Variants in STK39 observed in about 807,000 individuals in gnomAD.
STK39 encodes serine/threonine kinase 39.
In STK39, 20 loss-of-function variants were observed where a neutral mutation model predicts 77.8. The ratio of observed to expected loss-of-function variants is 0.26; its 90% CI spans 0.18 to 0.37. The LOEUF is 0.37. STK39 is among the 10% of genes least tolerant of loss of function. The pLI is 1.00. For missense variants in STK39, 479 were observed against 656.5 expected (o/e 0.73, Z 2.95); for synonymous variants, 246 against 234.1 (o/e 1.05, Z -0.47).
At chr2:168,059,599 A>C (rs1243452545) in intron 14 of STK39, among the ~76,000 whole-genome samples, 4 of 152,148 alleles carry the variant, frequency 2.6e-5, no homozygotes, top group Non-Finnish European at 1.5e-5. Flanking sequence ...GGCTTGGGAG[A>C]GGACCATGAG....
chr2:168,059,147 T>C (rs1685600171), intron 14 of STK39, among the ~76,000 whole-genome samples: 2 of 152,194 alleles, frequency 1.3e-5, no homozygotes, highest in South Asian at 2.1e-4. Flanking sequence ...TAGGGGTCTG[T>C]CTGTTCAAAT....
intron 10 of STK39, among the ~76,000 whole-genome samples, chr2:168,107,295 T>C (rs1687000000): frequency 6.6e-6 from 1 of 152,222 alleles, no homozygotes; most frequent in South Asian, 2.1e-4. Flanking sequence ...TAAAAACCTT[T>C]AGTCTTGAAT....
At chr2:168,041,120 T>C (rs1354498722) in intron 14 of STK39, among the ~76,000 whole-genome samples, 1 of 152,170 alleles carries the variant, frequency 6.6e-6, no homozygotes, top group Admixed American at 6.5e-5. Flanking sequence ...TCAGCAGGTG[T>C]GTCCAGGAGG....
At chr2:168,181,243 G>A (rs557589260) in intron 2 of STK39, among the ~76,000 whole-genome samples, 15 of 152,236 alleles carry the variant, frequency 9.9e-5, no homozygotes, top group South Asian at 2.1e-4. Context: ...AAAATTGGCC[G>A]GTAGAACAAC....
At chr2:168,018,421 C>T (rs951706319) in intron 14 of STK39, among the ~76,000 whole-genome samples, 1 of 150,830 alleles carries the variant, frequency 6.6e-6, no homozygotes, top group African/African-American at 2.5e-5. Context: ...AACTGGAACC[C>T]GGCAGGTATT....
At chr2:168,234,220 C>A (rs1690537804) in intron 1 of STK39, among the ~76,000 whole-genome samples, 1 of 152,212 alleles carries the variant, frequency 6.6e-6, no homozygotes, top group Admixed American at 6.5e-5. Flanking sequence ...AATTACCATC[C>A]AGCACCACCC....
intron 1 of STK39, among the ~76,000 whole-genome samples, chr2:168,244,204 C>T (rs1294023602): frequency 6.6e-6 from 1 of 152,164 alleles, no homozygotes; most frequent in African/African-American, 2.4e-5. Flanking sequence ...ACAAGAACAA[C>T]AATACAATAA....
At chr2:168,129,840 G>A in intron 8 of STK39, 82 bp from the exon 9 acceptor site, 2 of 1,500,314 alleles carry the variant, frequency 1.3e-6, no homozygotes, top group Admixed American at 1.7e-5. Flanking sequence ...TTAACCTTAA[G>A]AGTATTTCTG....
chr2:168,214,570 T>C (rs1689978722), intron 1 of STK39, among the ~76,000 whole-genome samples: 1 of 152,206 alleles, frequency 6.6e-6, no homozygotes, highest in African/African-American at 2.4e-5. Flanking sequence ...TTAAACAACG[T>C]CGTGAATGTA....
intron 8 of STK39, among the ~76,000 whole-genome samples, chr2:168,134,639 C>G (rs1010396389): frequency 6.6e-6 from 1 of 152,094 alleles, no homozygotes; most frequent in African/African-American, 2.4e-5. Context: ...ATAAGCAACT[C>G]TCTGTCTACG....
At chr2:168,168,855 C>T (rs1401184414) in intron 2 of STK39, among the ~76,000 whole-genome samples, 1 of 151,992 alleles carries the variant, frequency 6.6e-6, no homozygotes, top group Non-Finnish European at 1.5e-5. Context: ...TGGTGGTGTG[C>T]GCCTGTAGTC....
chr2:167,988,712 TAA>T (rs2105278920), intron 16 of STK39, among the ~76,000 whole-genome samples: 1 of 152,340 alleles, frequency 6.6e-6, no homozygotes, highest in East Asian at 1.9e-4. Context: ...TAGTTTACAT[TAA>T]ATGTTCAGTT....
At chr2:168,181,147 G>C (rs1023193797) in intron 2 of STK39, among the ~76,000 whole-genome samples, 1 of 152,066 alleles carries the variant, frequency 6.6e-6, no homozygotes, top group East Asian at 1.9e-4. Flanking sequence ...ATTTGTACTG[G>C]GATTAGTGTG....
chr2:168,063,438 A>C, intron 14 of STK39, 62 bp downstream of exon 14: 1 of 1,417,578 alleles, frequency 7.1e-7, no homozygotes, highest in Non-Finnish European at 9.8e-7. Context: ...AGGTTAACGA[A>C]GGAGATTTAA....
At chr2:168,143,746 C>A (rs191999796) in intron 5 of STK39, among the ~76,000 whole-genome samples, 33 of 152,148 alleles carry the variant, frequency 2.2e-4, no homozygotes, top group Admixed American at 9.8e-4. Context: ...GGCTCCCTGT[C>A]CCCTCAGGAA....
At chr2:168,035,654 G>A (rs539802069) in intron 14 of STK39, among the ~76,000 whole-genome samples, 3 of 152,136 alleles carry the variant, frequency 2.0e-5, no homozygotes, top group Non-Finnish European at 4.4e-5. Flanking sequence ...GACTCCAAAA[G>A]AGAAACCACA....
At chr2:168,164,332 T>A (rs148311025) in intron 3 of STK39, among the ~76,000 whole-genome samples, 11 of 152,302 alleles carry the variant, frequency 7.2e-5, no homozygotes, top group African/African-American at 2.6e-4. Flanking sequence ...GAAAGAAGTA[T>A]GTTGTTTCTA....
intron 10 of STK39, among the ~76,000 whole-genome samples, chr2:168,098,375 C>T (rs1259397214): frequency 1.3e-5 from 2 of 152,156 alleles, no homozygotes; most frequent in Non-Finnish European, 2.9e-5. Flanking sequence ...TGGTTTTATA[C>T]CTATTGCACT....
At chr2:168,168,358 TA>T (rs1688739691) in intron 2 of STK39, among the ~76,000 whole-genome samples, 1 of 152,196 alleles carries the variant, frequency 6.6e-6, no homozygotes, top group Non-Finnish European at 1.5e-5. Flanking sequence ...AGCTTCAGTC[TA>T]ATGTAACTCT....
Sources: gnomAD v4.1 joint callset for allele counts (sites outside exome capture counted in the v4.1 genomes callset) on GRCh38, gnomAD v4.1.1 for gene constraint, MANE v1.5 for transcripts, NCBI Gene and HGNC (gene_info 2026-07-23, HGNC 2026-07-21) for gene names.